ZNF772: variants seen among roughly 807,000 people sequenced by gnomAD.
The protein encoded by ZNF772 is zinc finger protein 772.
ZNF772 carries 8 observed loss-of-function variants against 11.0 expected under a neutral mutation model. The observed-to-expected ratio is 0.73, with a 90% CI of 0.43 to 1.31. The LOEUF (loss-of-function observed/expected upper bound fraction) is 1.31, where lower values mean the gene tolerates loss of function less well. Ranked by LOEUF, ZNF772 falls within the 50% of genes most tolerant of loss-of-function variation. ZNF772 has a pLI of 0.01. For synonymous variants in ZNF772, 155 were observed against 180.4 expected (o/e 0.86, Z 1.13); for missense variants, 496 against 552.3 (o/e 0.90, Z 1.02).
chr19:57,475,240 G>A lies in ZNF772; in HGVS notation c.199+420C>T, dbSNP rs529326569. ...CTCAGAGTAAGGTCTTGCAGGAATAGTGCAGTGGTCCTAGCAAGTAGCGAC... is the reference window on the plus strand; with the variant it reads ...CTCAGAGTAAGGTCTTGCAGGAATAATGCAGTGGTCCTAGCAAGTAGCGAC... On this transcript the variant is annotated intron_variant, in intron 3 of 3. Transcript: ENST00000356584. This position sits in a 1 kb window ranked among gnomAD's most constrained non-coding sequence, Gnocchi z 4.2. 2 of 1,480,646 alleles carry A rather than the reference G, an allele frequency of 1.4e-6. No individual in the cohort carries two copies. Among genetic ancestry groups the A allele is most frequent in the East Asian group, 4.7e-5 (2 of 42,344 alleles). 91.7% of individuals were successfully genotyped at this position (1,480,646 alleles called of 1,614,324 possible). A position where few individuals can be genotyped will look rare whatever the true frequency, so the allele number is the denominator to read the frequency against.
rs781256072 is a variant in ZNF772, at chr19:57,474,049, A to G, written c.572T>C (p.Leu191Pro). 15 of 1,614,050 alleles carry G rather than the reference A, an allele frequency of 9.3e-6. No individual in the cohort carries two copies. In the East Asian group the frequency reaches 3.3e-4, roughly 36 times the overall value. Residue 191 changes from leucine to proline, a missense_variant, in exon 4 of 4, where the codon CTA becomes CCA. Physicochemically the swap from Leu to Pro is moderately conservative, Grantham distance 98. Transcript: ENST00000356584. ...GTGCTCGAAAATGCTTGAGCTGGCT[A>G]GGAAGTCCTTACAAGCCTCCCCTGT... ...FVTGEACKDFLASSSIFEHHA... is the reference protein window; with the variant it reads ...FVTGEACKDFPASSSIFEHHA...
In ZNF772 at chr19:57,472,198, T is replaced by C. The variant is rs1353076629; in HGVS notation, c.*1076A>G. 2 of 455,948 alleles carry C rather than the reference T, an allele frequency of 4.4e-6. No homozygotes were observed. Among genetic ancestry groups the C allele is most frequent in the East Asian group, 6.9e-5 (1 of 14,390 alleles). The allele number at this position is 455,948 out of a possible 1,614,324, so 28.2% of individuals were successfully genotyped here. On this transcript the variant is annotated 3_prime_UTR_variant, in exon 4 of 4. Transcript: ENST00000356584. ...GTTTGCTGCAGTTTTCTCATTCCTTTATTAATCTGGGTTTCTGCACCAACT... is the reference window on the plus strand; with the variant it reads ...GTTTGCTGCAGTTTTCTCATTCCTTCATTAATCTGGGTTTCTGCACCAACT...
chr19:57,471,370 C>T lies in ZNF772; in HGVS notation c.*1904G>A, dbSNP rs1187480564. ...AAACAAAATAGCAAATCAAATTCAA[C>T]AATATACTAAATGACTAATACATCA... On this transcript the variant is annotated 3_prime_UTR_variant, in exon 4 of 4. Coordinates refer to ENST00000356584, the MANE Select transcript of ZNF772 (RefSeq NM_001144068.2). 7 of 151,990 alleles carry T rather than the reference C, an allele frequency of 4.6e-5. No homozygotes were observed. The highest frequency in any genetic ancestry group is 8.8e-5 in the Non-Finnish European group (6 of 68,004). 9.4% of individuals were successfully genotyped at this position (151,990 alleles called of 1,614,324 possible).
rs1167691031 is a variant in ZNF772, at chr19:57,473,962, C to T, written c.659G>A (p.Cys220Tyr). ...SNTKCEEASH[C>Y]GKRHYKCSEC... ...ACTGCATTTGTAATGCCTTTTTCCA[C>T]AGTGAGAGGCCTCCTCACACTTGGT... The change falls in exon 4 of 4, where the codon TGT (cysteine) becomes TAT (tyrosine). Residue 220 changes from cysteine (C) to tyrosine (Y), a missense_variant. Coordinates refer to ENST00000356584, the MANE Select transcript of ZNF772 (RefSeq NM_001144068.2). 6.2e-7 allele frequency: 1 copy of T among 1,614,088 alleles called. No individual in the cohort carries two copies. Among genetic ancestry groups the T allele is most frequent in the Non-Finnish European group, 8.5e-7 (1 of 1,180,044 alleles).
chr19:57,470,120 T>G lies in ZNF772; in HGVS notation c.*3154A>C, dbSNP rs1394536769. The G allele has an allele frequency of 6.6e-6, 1 of 152,152 alleles. No individual in the cohort carries two copies. 9.4% of individuals were successfully genotyped at this position (152,152 alleles called of 1,614,324 possible). A position where few individuals can be genotyped will look rare whatever the true frequency, so the allele number is the denominator to read the frequency against. ...GGCTCACGCCTGTAATCCCAGCACT[T>G]TGGGAGGCTGAGGCAGGCGGATCAC... On this transcript the variant is annotated 3_prime_UTR_variant, in exon 4 of 4. Transcript: ENST00000356584.
chr19:57,477,298 A>C lies in ZNF772; in HGVS notation c.12T>G (p.Ala4=), dbSNP rs77164240. The change falls in exon 1 of 4, where the codon GCT becomes GCG. Residue 4 remains alanine, a synonymous_variant. Coordinates refer to ENST00000356584, the MANE Select transcript of ZNF772 (RefSeq NM_001144068.2). ...CCACCTGTGCCGGGCCCATCGGCTC[A>C]GCCGCCGCCATCAGGCCTGTGGACT... MAA[A]EPMGPAQVPM... is the part of the protein sequence containing the mutation. The C allele has an allele frequency of 6.2e-7, 1 of 1,612,664 alleles. No homozygotes were observed. The highest frequency in any genetic ancestry group is 8.5e-7 in the Non-Finnish European group (1 of 1,179,488).
At position 57,470,438 on chromosome 19, in the gene ZNF772, C is replaced by T. The variant is rs1600115576; in HGVS notation, c.*2836G>A. On this transcript the variant is annotated 3_prime_UTR_variant, in exon 4 of 4. Transcript: ENST00000356584. ...TTCTCAGATAGATTTTTAACATTAA[C>T]ATCTCTTCCCCATATTAGGGGAAAA... 1 of 151,986 alleles carries T rather than the reference C, an allele frequency of 6.6e-6. No individual in the cohort carries two copies. Among genetic ancestry groups the T allele is most frequent in the African/African-American group, 2.4e-5 (1 of 41,480 alleles). The allele number at this position is 151,986 out of a possible 1,614,324, so 9.4% of individuals were successfully genotyped here. A position where few individuals can be genotyped will look rare whatever the true frequency, so the allele number is the denominator to read the frequency against.
Position 57,475,869 on chromosome 19 carries a change from T to C in ZNF772, c.73-83A>G, listed in dbSNP as rs1478239606. ...CGTGCCCCCACACATCTCCCTCCTGTACACCCTCCTACCTAACTCCTCAAC... is the reference window on the plus strand; with the variant it reads ...CGTGCCCCCACACATCTCCCTCCTGCACACCCTCCTACCTAACTCCTCAAC... On this transcript the variant is annotated intron_variant, in intron 2 of 3. Transcript: ENST00000356584. The surrounding 1 kb of genome is among the most constrained non-coding windows in gnomAD (Gnocchi z 4.2). 2.0e-6 allele frequency: 3 copies of C among 1,509,624 alleles called. No individual in the cohort carries two copies. The highest frequency in any genetic ancestry group is 2.7e-6 in the Non-Finnish European group (3 of 1,125,756). 93.5% of individuals were successfully genotyped at this position (1,509,624 alleles called of 1,614,324 possible). A position where few individuals can be genotyped will look rare whatever the true frequency, so the allele number is the denominator to read the frequency against.
intron 2 of ZNF772, 156 bp downstream of exon 2, chr19:57,476,478 G>C (rs1170994423): frequency 4.8e-6 from 4 of 838,954 alleles, no homozygotes; most frequent in Non-Finnish European, 7.9e-6. Flanking sequence ...TAAAACCCCT[G>C]GCCCGGAGTC....
At chr19:57,476,965 G>T (rs1380006315) in intron 1 of ZNF772, among the ~76,000 whole-genome samples, 1 of 152,160 alleles carries the variant, frequency 6.6e-6, no homozygotes, top group African/African-American at 2.4e-5. Context: ...ATCACCCTCA[G>T]AATAGAGACC....
rs1301250457 is a variant in ZNF772, at chr19:57,477,538, G to C, written c.-229C>G. On this transcript the variant is annotated 5_prime_UTR_variant, in exon 1 of 4. Transcript: ENST00000356584. ...GGATTAATGGAAAAGCAAACAAAAT[G>C]TCCACCCGAGGATGGTAGAGGAAGT... is the stretch of plus-strand genomic sequence containing the variant. The C allele has an allele frequency of 2.0e-6, 1 of 499,972 alleles. No individual in the cohort carries two copies. Among genetic ancestry groups the C allele is most frequent in the Non-Finnish European group, 3.6e-6 (1 of 279,146 alleles). The allele number at this position is 499,972 out of a possible 1,614,324, so 31.0% of individuals were successfully genotyped here.
Position 57,477,363 on chromosome 19 carries a change from T to A in ZNF772, c.-54A>T. On this transcript the variant is annotated 5_prime_UTR_variant, in exon 1 of 4. Coordinates refer to ENST00000356584, the MANE Select transcript of ZNF772 (RefSeq NM_001144068.2). ...ACAAGTGCAGGAACCTGGGATCAGC[T>A]GTCCAGGGCCCAGCCCAGCGGCTAG... is the stretch of plus-strand genomic sequence containing the variant. 1.2e-6 allele frequency: 2 copies of A among 1,606,340 alleles called. No individual in the cohort carries two copies. The highest frequency in any genetic ancestry group is 1.7e-6 in the Non-Finnish European group (2 of 1,175,454).
chr19:57,471,909 C>A lies in ZNF772; in HGVS notation c.*1365G>T. The A allele has an allele frequency of 7.3e-6, 2 of 274,572 alleles. No homozygotes were observed. The highest frequency in any genetic ancestry group is 7.2e-6 in the Non-Finnish European group (1 of 139,528). 17.0% of individuals were successfully genotyped at this position (274,572 alleles called of 1,614,324 possible). On this transcript the variant is annotated 3_prime_UTR_variant, in exon 4 of 4. Transcript: ENST00000356584. ...ACAGTGACAACGGATCAATAGTTGC[C>A]TGGGGATGGGTGAAGGAAAGGGAGA... is the stretch of plus-strand genomic sequence containing the variant.
Position 57,473,593 on chromosome 19 carries a change from CCA to C in ZNF772, c.1026_1027del (p.Cys342TrpfsTer12). On this transcript the variant is annotated frameshift_variant, in exon 4 of 4. Coordinates refer to ENST00000356584, the MANE Select transcript of ZNF772 (RefSeq NM_001144068.2). LOFTEE classifies it low-confidence loss of function (END_TRUNC). ...TCTGTATTTGTGACCAAAGTATTTT[CCA>C]CATTCGCTGCACTCATATGGCCTTT... The C allele has an allele frequency of 1.9e-6, 3 of 1,614,156 alleles. No homozygotes were observed. The highest frequency in any genetic ancestry group is 3.3e-4 in the Middle Eastern group (2 of 6,062).
chr19:57,474,985 C>T (rs2089265658), intron 3 of ZNF772: 4 of 1,613,302 alleles, frequency 2.5e-6, no homozygotes, highest in Admixed American at 3.3e-5. Flanking sequence ...TGATATGAAC[C>T]CAGCCCTGAC....
chr19:57,475,056 A>C lies in ZNF772; in HGVS notation c.199+604T>G, dbSNP rs1259532568. ...ACTCCCACCTGGAGTCTCTGTGGCA[A>C]CAGCTAGGGTCATGTCCACCCAGTC... On this transcript the variant is annotated intron_variant, in intron 3 of 3. Transcript: ENST00000356584. This position sits in a 1 kb window ranked among gnomAD's most constrained non-coding sequence, Gnocchi z 4.2. 1 of 1,614,096 alleles carries C rather than the reference A, an allele frequency of 6.2e-7. No individual in the cohort carries two copies. The highest frequency in any genetic ancestry group is 8.5e-7 in the Non-Finnish European group (1 of 1,180,038).
In ZNF772 at chr19:57,473,896, T is replaced by C; in HGVS notation, c.725A>G (p.Gln242Arg). 6.2e-7 allele frequency: 1 copy of C among 1,614,230 alleles called. No individual in the cohort carries two copies. The highest frequency in any genetic ancestry group is 8.5e-7 in the Non-Finnish European group (1 of 1,180,044). The change falls in exon 4 of 4, where the codon CAA becomes CGA. Residue 242 changes from glutamine (Q) to arginine (R), a missense_variant. Transcript: ENST00000356584. Reference protein sequence around the residue: ...KTFSRKDSLVQHQRVHTGERP... With the variant: ...KTFSRKDSLVRHQRVHTGERP... ...TTCTCCAGTGTGGACTCTCTGGTGT[T>C]GAACAAGTGAGTCTTTGCGGCTGAA...
intron 3 of ZNF772, 149 bp from the exon 4 acceptor site, chr19:57,474,570 A>G (rs1364960038): frequency 8.0e-6 from 6 of 752,928 alleles, no homozygotes; most frequent in Non-Finnish European, 1.3e-5. Flanking sequence ...GCAAATGTGT[A>G]CTATACGGTA....
intron 2 of ZNF772, among the ~76,000 whole-genome samples, chr19:57,476,110 C>G (rs1030609646): frequency 6.6e-6 from 1 of 152,186 alleles, no homozygotes; most frequent in African/African-American, 2.4e-5. Context: ...GCTTGCCTTT[C>G]TCCTTTAAGC....
Sources: allele counts gnomAD v4.1 joint callset (sites outside exome capture counted in the v4.1 genomes callset), GRCh38; gene constraint gnomAD v4.1.1; non-coding constraint Gnocchi (gnomAD v3.1); transcripts MANE v1.5; gene names NCBI Gene and HGNC (gene_info 2026-07-23, HGNC 2026-07-21).